Variants in PAQR3 observed in about 807,000 individuals in gnomAD.
PAQR3 encodes the protein Raf kinase trapping to Golgi.
A neutral mutation model predicts 41.7 loss-of-function variants in PAQR3; 39 were observed. That is an observed-to-expected ratio of 0.93 (90% CI 0.72 to 1.22). PAQR3 has a LOEUF of 1.22. PAQR3 is among the 50% of genes most tolerant of loss of function. The probability of loss-of-function intolerance (pLI) is 0.00; values close to 1 mark genes in which losing one functional copy is unlikely to be tolerated. For synonymous variants in PAQR3, 140 were observed against 140.6 expected, an observed-to-expected ratio of 1.00 and a Z score of 0.03; for missense variants, 366 against 385.6, an observed-to-expected ratio of 0.95 and a Z score of 0.42.
Position 78,919,896 on chromosome 4 carries a change from T to C in PAQR3, c.*643A>G, listed in dbSNP as rs1578006681. 1.0e-6 allele frequency: 1 copy of C among 985,364 alleles called. No homozygotes were observed. The highest frequency in any genetic ancestry group is 1.1e-4 in the East Asian group (1 of 8,812). 61.0% of individuals were successfully genotyped at this position (985,364 alleles called of 1,614,324 possible). ...TTATCTGATAGAAAATGAGAAGTTCTTTTCCTCTTCTCAACCCTTCTCTCA... is the reference window on the plus strand; with the variant it reads ...TTATCTGATAGAAAATGAGAAGTTCCTTTCCTCTTCTCAACCCTTCTCTCA... On this transcript the variant is annotated 3_prime_UTR_variant, in exon 6 of 6. Coordinates refer to ENST00000512733, the MANE Select transcript of PAQR3 (RefSeq NM_001040202.2).
intron 11 of PAQR3, among the ~76,000 whole-genome samples, chr4:78,903,075 T>C (rs1361893887): frequency 1.3e-5 from 2 of 152,082 alleles, no homozygotes; most frequent in Non-Finnish European, 2.9e-5. Context: ...GGCTATGATG[T>C]CTGAAATTTT....
intron 5 of PAQR3, chr4:78,922,089 T>C: frequency 1.9e-6 from 2 of 1,037,066 alleles, no homozygotes; most frequent in Non-Finnish European, 2.3e-6. Flanking sequence ...ATAAAGAAAA[T>C]ACAGAATTTT....
chr4:78,923,797 A>G, intron 5 of PAQR3, 60 bp downstream of exon 5: 1 of 1,087,870 alleles, frequency 9.2e-7, no homozygotes. Context: ...GCTCTGATGC[A>G]TATACCTTGG....
At position 78,919,423 on chromosome 4, in the gene PAQR3, A is replaced by G. The variant is rs1246925963; in HGVS notation, c.*1116T>C. 1.0e-6 allele frequency: 1 copy of G among 984,306 alleles called. No homozygotes were observed. Among genetic ancestry groups the G allele is most frequent in the Non-Finnish European group, 1.2e-6 (1 of 829,002 alleles). The allele number at this position is 984,306 out of a possible 1,614,324, so 61.0% of individuals were successfully genotyped here. On this transcript the variant is annotated 3_prime_UTR_variant, in exon 6 of 6. Coordinates refer to ENST00000512733, the MANE Select transcript of PAQR3 (RefSeq NM_001040202.2). ...GCAGTGAGTTCTATTTTTTAAGTAT[A>G]TACAATAAAAAGAAAGTTTAATGCT... is the stretch of plus-strand genomic sequence containing the variant.
chr4:78,903,862 T>A (rs1734143890), intron 11 of PAQR3, among the ~76,000 whole-genome samples: 1 of 151,898 alleles, frequency 6.6e-6, no homozygotes, highest in Admixed American at 6.6e-5. Context: ...ACTGTTGAAT[T>A]TTTGCTGGTG....
intron 2 of PAQR3, among the ~76,000 whole-genome samples, chr4:78,930,894 AT>A (rs1303504614): frequency 6.6e-6 from 1 of 151,700 alleles, no homozygotes; most frequent in African/African-American, 2.4e-5. Flanking sequence ...ATATATATAT[AT>A]ATATATATAT....
rs948428665 is a variant in PAQR3 at position 78,931,510 on chromosome 4, T to C, written c.349-1185A>G. 3.3e-5 allele frequency among the ~76,000 whole-genome samples: 5 copies of C among 152,348 alleles called. 1 individual carries two copies. The highest frequency in any genetic ancestry group is 3.4e-3 in the Middle Eastern group (1 of 294). On this transcript the variant is annotated intron_variant, in intron 2 of 5. Coordinates refer to ENST00000512733, the MANE Select transcript of PAQR3 (RefSeq NM_001040202.2). ...TCAGCTGTTCTGATAATTGATAAGG[T>C]TCTATGGCAGAATGCCTTTCAGCTA... is the stretch of plus-strand genomic sequence containing the variant.
At chr4:78,894,877 A>C (rs1262051470) in intron 11 of PAQR3, among the ~76,000 whole-genome samples, 2 of 152,202 alleles carry the variant, frequency 1.3e-5, no homozygotes, top group Non-Finnish European at 2.9e-5. Context: ...TTGTGGGGTT[A>C]TTAATTGGCC....
chr4:78,922,656 T>G (rs1735772125), intron 5 of PAQR3, among the ~76,000 whole-genome samples: 1 of 152,060 alleles, frequency 6.6e-6, no homozygotes, highest in Admixed American at 6.6e-5. Context: ...ATTCAGTCCC[T>G]ACTAATTGCT....
In PAQR3 at chr4:78,919,183, C is replaced by T. The variant is rs1405556595; in HGVS notation, c.*1356G>A. 1.0e-6 allele frequency: 1 copy of T among 985,064 alleles called. No homozygotes were observed. 61.0% of individuals were successfully genotyped at this position (985,064 alleles called of 1,614,324 possible). A position where few individuals can be genotyped will look rare whatever the true frequency, so the allele number is the denominator to read the frequency against. ...GCACAAAAGGCATTTTGGGAATAAGCTTCATCATCAATTAACATTTTTTCT... is the reference window on the plus strand; with the variant it reads ...GCACAAAAGGCATTTTGGGAATAAGTTTCATCATCAATTAACATTTTTTCT... On this transcript the variant is annotated 3_prime_UTR_variant, in exon 6 of 6. Transcript: ENST00000512733.
In PAQR3 at chr4:78,919,855, G is replaced by C. The variant is rs1735483845; in HGVS notation, c.*684C>G. ...AATTTGTTGTCTAATCTTGTACTTA[G>C]TTTCTAATGTGATTCTTATCTGATA... On this transcript the variant is annotated 3_prime_UTR_variant, in exon 6 of 6. Coordinates refer to ENST00000512733, the MANE Select transcript of PAQR3 (RefSeq NM_001040202.2). 9.1e-6 allele frequency: 9 copies of C among 984,704 alleles called. No homozygotes were observed. The highest frequency in any genetic ancestry group is 1.1e-5 in the Non-Finnish European group (9 of 829,164). The allele number at this position is 984,704 out of a possible 1,614,324, so 61.0% of individuals were successfully genotyped here. A position where few individuals can be genotyped will look rare whatever the true frequency, so the allele number is the denominator to read the frequency against.
At chr4:78,893,076 T>G (rs546674294) in intron 11 of PAQR3, among the ~76,000 whole-genome samples, 2 of 152,362 alleles carry the variant, frequency 1.3e-5, no homozygotes, top group South Asian at 2.1e-4. Context: ...ACAGTAGAAC[T>G]TCTTCCAAAA....
Position 78,898,197 on chromosome 4 carries a change from C to T in PAQR3, c.*836+7911G>A, listed in dbSNP as rs571949419. Reference sequence around the variant, plus strand: ...CAGTATTAGGTTTGGTAAACTTCCTCAACGCTCCCAAAGACCCTAGACCCA... The same window carrying T: ...CAGTATTAGGTTTGGTAAACTTCCTTAACGCTCCCAAAGACCCTAGACCCA... On this transcript the variant is annotated intron_variant and NMD_transcript_variant, in intron 11 of 12. Coordinates refer to the PAQR3 transcript ENST00000342820. Among the ~76,000 whole-genome samples, 4 of 152,286 alleles carry T rather than the reference C, an allele frequency of 2.6e-5. No individual in the cohort carries two copies. The South Asian group carries it at 6.2e-4, about 24-fold the overall frequency.
In PAQR3 at chr4:78,929,511, G is replaced by C. The variant is rs191206165; in HGVS notation, c.504+659C>G. ...TTTTAGGTCAGGTGCTGTATTATCT[G>C]ATTACAGTGTTGCAAATGCTGCTTT... On this transcript the variant is annotated intron_variant, in intron 3 of 5. Coordinates refer to ENST00000512733, the MANE Select transcript of PAQR3 (RefSeq NM_001040202.2). 3.9e-5 allele frequency among the ~76,000 whole-genome samples: 6 copies of C among 152,332 alleles called. No homozygotes were observed. The East Asian group carries it at 1.2e-3, about 29-fold the overall frequency.
chr4:78,890,257 G>T (rs1471872853), intron 11 of PAQR3, among the ~76,000 whole-genome samples: 1 of 151,690 alleles, frequency 6.6e-6, no homozygotes, highest in African/African-American at 2.4e-5. Context: ...TTCACTTCTG[G>T]CATTTTAATA....
At position 78,912,136 on chromosome 4, in the gene PAQR3, T is replaced by A; in HGVS notation, c.*8403A>T. Reference sequence around the variant, plus strand: ...GGTAGCTCTTTATAGCATTCATTCTTAAAGATCAGTCAGAATAGGTGATTT... The same window carrying A: ...GGTAGCTCTTTATAGCATTCATTCTAAAAGATCAGTCAGAATAGGTGATTT... On this transcript the variant is annotated 3_prime_UTR_variant, in exon 6 of 6. Transcript: ENST00000512733. The A allele has an allele frequency of 9.7e-7, 1 of 1,027,778 alleles. No individual in the cohort carries two copies. Among genetic ancestry groups the A allele is most frequent in the Non-Finnish European group, 1.5e-6 (1 of 688,594 alleles). 63.7% of individuals were successfully genotyped at this position (1,027,778 alleles called of 1,614,324 possible).
chr4:78,930,336 T>G lies in PAQR3; in HGVS notation c.349-11A>C. 6.3e-7 allele frequency: 1 copy of G among 1,585,984 alleles called. No homozygotes were observed. The highest frequency in any genetic ancestry group is 8.5e-7 in the Non-Finnish European group (1 of 1,171,522). On this transcript the variant is annotated splice_polypyrimidine_tract_variant and intron_variant, in intron 2 of 5. Transcript: ENST00000512733. ...GCAAAGCATACAGACCTGTGAAAAATAAAAACAAATTAACAAAGTGACTAA... is the reference window on the plus strand; with the variant it reads ...GCAAAGCATACAGACCTGTGAAAAAGAAAAACAAATTAACAAAGTGACTAA...
rs914983051 is a variant in PAQR3 at position 78,919,601 on chromosome 4, G to C, written c.*938C>G. The C allele has an allele frequency of 1.0e-6, 1 of 984,952 alleles. No individual in the cohort carries two copies. The highest frequency in any genetic ancestry group is 1.1e-4 in the East Asian group (1 of 8,782). 61.0% of individuals were successfully genotyped at this position (984,952 alleles called of 1,614,324 possible). On this transcript the variant is annotated 3_prime_UTR_variant, in exon 6 of 6. Transcript: ENST00000512733. Reference sequence around the variant, plus strand: ...TTCTAAGGCTTAAGGTTCATTTCAGGGTCAAGACAGGGCCATCTAGATTCT... The same window carrying C: ...TTCTAAGGCTTAAGGTTCATTTCAGCGTCAAGACAGGGCCATCTAGATTCT...
At chr4:78,921,887 C>T (rs2110135244) in intron 5 of PAQR3, 1 of 985,078 alleles carries the variant, frequency 1.0e-6, no homozygotes, top group Non-Finnish European at 1.2e-6. Flanking sequence ...ACTCAATATG[C>T]TCTGCTACAT....
Sources: allele counts gnomAD v4.1 joint callset (sites outside exome capture counted in the v4.1 genomes callset), GRCh38; gene constraint gnomAD v4.1.1; transcripts MANE v1.5; gene names NCBI Gene and HGNC (gene_info 2026-07-23, HGNC 2026-07-21).